RPL4: variants seen among roughly 807,000 people sequenced by gnomAD.
RPL4 encodes large ribosomal subunit protein uL4.
Under a neutral mutation model 47.7 loss-of-function variants are expected in RPL4, and 3 were observed. The observed-to-expected ratio is 0.06, with a 90% confidence interval of 0.03 to 0.16. RPL4 has a LOEUF of 0.16. Among genes scored for constraint, RPL4 ranks in the 10% least tolerant of loss-of-function variants. The pLI is 1.00. For missense variants in RPL4, 413 were observed against 551.3 expected, an observed-to-expected ratio of 0.75 and a Z score of 2.51; for synonymous variants, 208 against 182.1, an observed-to-expected ratio of 1.14 and a Z score of -1.15.
rs557402217 is a variant in RPL4, at chr15:66,499,585, G to C, written c.1106C>G (p.Ala369Gly). 188 of 1,613,876 alleles carry C rather than the reference G, an allele frequency of 1.2e-4. 5 individuals carry two copies. The South Asian group carries it at 1.4e-3, about 12-fold the overall frequency. Residue 369 changes from alanine (A) to glycine (G), a missense_variant, in exon 10 of 10, where the codon GCG (alanine) becomes GGG (glycine). Ala to Gly is a moderately conservative substitution (Grantham distance 60). Coordinates refer to ENST00000307961, the MANE Select transcript of RPL4 (RefSeq NM_000968.4). ...CACAGGCTTCTTGCCTGCAACCGCC[G>C]CCTTCTCATCTGATTTGGCTTGTAG... ...AALQAKSDEK[A>G]AVAGKKPVVG...
At chr15:66,502,453 G>T in intron 4 of RPL4, 159 bp downstream of exon 4, 1 of 758,458 alleles carries the variant, frequency 1.3e-6, no homozygotes. Flanking sequence ...CAGTGTAACT[G>T]GAATATCCAT....
chr15:66,499,885 T>A (rs1893574331), intron 9 of RPL4, 171 bp downstream of exon 9: 1 of 939,404 alleles, frequency 1.1e-6, no homozygotes, highest in Admixed American at 2.9e-5. Flanking sequence ...TAGCCGGACA[T>A]GGTGGCGTGC....
At chr15:66,499,886 G>A (rs1893574445) in intron 9 of RPL4, 170 bp downstream of exon 9, 5 of 937,960 alleles carry the variant, frequency 5.3e-6, no homozygotes, top group South Asian at 1.7e-5. Flanking sequence ...AGCCGGACAT[G>A]GTGGCGTGCG....
intron 1 of RPL4, among the ~76,000 whole-genome samples, chr15:66,503,947 T>G (rs146442896): frequency 6.6e-6 from 1 of 152,274 alleles, no homozygotes; most frequent in East Asian, 1.9e-4. Flanking sequence ...ACTGGTGATA[T>G]TACTTTTTGT....
chr15:66,502,316 G>A (rs1893635766), intron 4 of RPL4: 1 of 400,408 alleles, frequency 2.5e-6, no homozygotes, highest in Non-Finnish European at 4.5e-6. Flanking sequence ...TCACGTGAAA[G>A]AAAAAGTGGG....
Position 66,498,905 on chromosome 15 carries a change from A to C in RPL4, c.*502T>G, listed in dbSNP as rs981648516. On this transcript the variant is annotated 3_prime_UTR_variant, in exon 10 of 10. Coordinates refer to ENST00000307961, the MANE Select transcript of RPL4 (RefSeq NM_000968.4). Reference sequence around the variant, plus strand: ...AGTGTGGCCTTCTGGCACTTTTTCAAACCATGGGTGAAAATACTCAACTCT... The same window carrying C: ...AGTGTGGCCTTCTGGCACTTTTTCACACCATGGGTGAAAATACTCAACTCT... 6.4e-6 allele frequency: 1 copy of C among 155,632 alleles called. No homozygotes were observed. Among genetic ancestry groups the C allele is most frequent in the Non-Finnish European group, 1.4e-5 (1 of 70,450 alleles). 9.6% of individuals were successfully genotyped at this position (155,632 alleles called of 1,614,324 possible).
rs932145691 is a variant in RPL4, at chr15:66,499,194, G to A, written c.*213C>T. 5.5e-6 allele frequency: 3 copies of A among 542,452 alleles called. No individual in the cohort carries two copies. The highest frequency in any genetic ancestry group is 3.8e-5 in the African/African-American group (2 of 52,230). The allele number at this position is 542,452 out of a possible 1,614,324, so 33.6% of individuals were successfully genotyped here. Reference sequence around the variant, plus strand: ...CATTCCCCTTCCACTGAACTCCATGGACTTAGTATAAATCCATGCCCCATT... The same window carrying A: ...CATTCCCCTTCCACTGAACTCCATGAACTTAGTATAAATCCATGCCCCATT... On this transcript the variant is annotated 3_prime_UTR_variant, in exon 10 of 10. Transcript: ENST00000307961.
intron 1 of RPL4, among the ~76,000 whole-genome samples, chr15:66,504,006 C>G (rs946881587): frequency 1.1e-4 from 16 of 152,090 alleles, no homozygotes; most frequent in African/African-American, 3.9e-4. Context: ...AATCCTGAGG[C>G]TGACCTACAC....
At chr15:66,503,313 T>C (rs937941555) in intron 2 of RPL4, 45 bp downstream of exon 2, 5 of 1,608,820 alleles carry the variant, frequency 3.1e-6, no homozygotes, top group Non-Finnish European at 4.3e-6. Context: ...TCATCACTAC[T>C]GTAAAGCAGT....
At position 66,498,429 on chromosome 15, in the gene RPL4, A is replaced by G. The variant is rs1893522442; in HGVS notation, c.*978T>C. On this transcript the variant is annotated 3_prime_UTR_variant, in exon 10 of 10. Coordinates refer to ENST00000307961, the MANE Select transcript of RPL4 (RefSeq NM_000968.4). ...AGAAGCTGACAGTTTAACAATCCAG[A>G]TGCAAAACAAGACTTTTGACACAGG... 6.6e-6 allele frequency: 1 copy of G among 152,232 alleles called. No individual in the cohort carries two copies. Among genetic ancestry groups the G allele is most frequent in the Non-Finnish European group, 1.5e-5 (1 of 68,044 alleles). The allele number at this position is 152,232 out of a possible 1,614,324, so 9.4% of individuals were successfully genotyped here.
chr15:66,503,454 C>T lies in RPL4; in HGVS notation c.79G>A (p.Val27Ile). The T allele has an allele frequency of 1.2e-6, 2 of 1,612,494 alleles. No homozygotes were observed. Among genetic ancestry groups the T allele is most frequent in the African/African-American group, 1.3e-5 (1 of 75,054 alleles). ...SSGKNVTLPA[V>I]FKAPIRPDIV... ...TCTGGTCGAATAGGAGCCTTGAATACAGCAGGCAAAGTGACATTTTTGCCA... is the reference window on the plus strand; with the variant it reads ...TCTGGTCGAATAGGAGCCTTGAATATAGCAGGCAAAGTGACATTTTTGCCA... The change falls in exon 2 of 10, where the codon GTA becomes ATA. Residue 27 changes from valine (V) to isoleucine (I), a missense_variant. By Grantham distance (29) the Val-to-Ile change is conservative (BLOSUM62 3). This residue lies in a region of RPL4 where 56 missense variants were observed against 70.6 expected (regional missense o/e 0.79). Transcript: ENST00000307961.
In RPL4 at chr15:66,500,933, T is replaced by C. The variant is rs1397686753; in HGVS notation, c.833+16A>G. ...ACAATATAAACATCTGTGCTTAGTA[T>C]ATGAAAGATACTTACTTGTAGTTAC... is the stretch of plus-strand genomic sequence containing the variant. On this transcript the variant is annotated intron_variant, in intron 7 of 9. Transcript: ENST00000307961. 3 of 1,612,406 alleles carry C rather than the reference T, an allele frequency of 1.9e-6. No homozygotes were observed. The highest frequency in any genetic ancestry group is 2.5e-6 in the Non-Finnish European group (3 of 1,179,366).
chr15:66,502,555 C>G, intron 4 of RPL4, 57 bp downstream of exon 4: 2 of 1,560,458 alleles, frequency 1.3e-6, no homozygotes, highest in South Asian at 1.2e-5. Context: ...CCCTAATGAT[C>G]AAATAGTAGG....
intron 2 of RPL4, 26 bp downstream of exon 2, chr15:66,503,332 T>C (rs772710874): frequency 1.2e-6 from 2 of 1,612,044 alleles, no homozygotes; most frequent in South Asian, 1.1e-5. Context: ...GTCCCTAAAA[T>C]ATCTGCAGAA....
rs78704418 is a variant in RPL4 at position 66,500,400 on chromosome 15, T to C, written c.834-24A>G. ...GACTGAAAGGGAAAAGATTGACATG[T>C]ACATGTAAAAGTAATCAACCAAAGA... On this transcript the variant is annotated intron_variant, in intron 7 of 9. Coordinates refer to ENST00000307961, the MANE Select transcript of RPL4 (RefSeq NM_000968.4). 2.8e-3 allele frequency: 4,411 copies of C among 1,600,694 alleles called. 73 individuals are homozygous for C. The African/African-American group carries it at 0.043, about 16-fold the overall frequency.
intron 7 of RPL4, 43 bp downstream of exon 7, chr15:66,500,906 C>T (rs371921600): frequency 6.3e-7 from 1 of 1,578,682 alleles, no homozygotes; most frequent in Admixed American, 1.8e-5. Flanking sequence ...ATGTTAATAT[C>T]CACAATATAA....
chr15:66,500,307 G>T lies in RPL4; in HGVS notation c.903C>A (p.Ala301=). 3 of 1,614,082 alleles carry T rather than the reference G, an allele frequency of 1.9e-6. No individual in the cohort carries two copies. The highest frequency in any genetic ancestry group is 8.5e-7 in the Non-Finnish European group (1 of 1,179,998). The change falls in exon 8 of 10, where the codon GCC becomes GCA. Residue 301 remains alanine, a synonymous_variant. Coordinates refer to ENST00000307961, the MANE Select transcript of RPL4 (RefSeq NM_000968.4). Reference sequence around the variant, plus strand: ...TATCACTTTACCGTGGTGCTCGAAGGGCTCTTTGGATCTCTGGGCTTTTCA... The same window carrying T: ...TATCACTTTACCGTGGTGCTCGAAGTGCTCTTTGGATCTCTGGGCTTTTCA... ...RILKSPEIQR[A]LRAPRKKIHR...
rs373217813 is a variant in RPL4, at chr15:66,501,785, G to T, written c.546+3C>A. The T allele has an allele frequency of 3.7e-6, 6 of 1,608,218 alleles. No homozygotes were observed. Among genetic ancestry groups the T allele is most frequent in the Non-Finnish European group, 4.2e-6 (5 of 1,178,842 alleles). ...AAACTGTAAATGTGCTCATTGAACG[G>T]ACCTTTTTGATATCATTCCAGGCTT... On this transcript the variant is annotated splice_donor_region_variant and intron_variant, in intron 5 of 9. Transcript: ENST00000307961.
intron 1 of RPL4, 61 bp from the exon 2 acceptor site, chr15:66,503,590 A>C: frequency 6.7e-7 from 1 of 1,493,808 alleles, no homozygotes; most frequent in Non-Finnish European, 9.0e-7. Context: ...AACTCTTCTC[A>C]TACGCCAACA....
Sources: gnomAD v4.1 joint callset for allele counts (sites outside exome capture counted in the v4.1 genomes callset) on GRCh38, gnomAD v4.1.1 for gene constraint, gnomAD v4.1.1 regional missense constraint, MANE v1.5 for transcripts, NCBI Gene and HGNC (gene_info 2026-07-23, HGNC 2026-07-21) for gene names.